Variants in FAP observed in about 807,000 individuals in gnomAD.
FAP encodes the protein fibroblast activation protein alpha, also known as prolyl endopeptidase FAP.
In FAP, 110 loss-of-function variants were observed where a neutral mutation model predicts 126.5. That is an observed-to-expected ratio of 0.87 (90% CI 0.74 to 1.02). The LOEUF (loss-of-function observed/expected upper bound fraction) is 1.02, where lower values mean the gene tolerates loss of function less well. FAP is among the 50% of genes least tolerant of loss of function. FAP has a pLI of 0.00. For missense variants in FAP, 919 were observed against 909.2 expected (o/e 1.01, Z -0.14); for synonymous variants, 334 against 297.3 (o/e 1.12, Z -1.27).
At chr2:162,232,696 G>C (rs1235955253) in intron 2 of FAP, among the ~76,000 whole-genome samples, 1 of 152,136 alleles carries the variant, frequency 6.6e-6, no homozygotes, top group Non-Finnish European at 1.5e-5. Flanking sequence ...GTTATTCAAA[G>C]GATTTGCCGG....
chr2:162,210,439 T>C (rs1437702593), intron 11 of FAP, among the ~76,000 whole-genome samples: 1 of 152,194 alleles, frequency 6.6e-6, no homozygotes, highest in Admixed American at 6.6e-5. Flanking sequence ...CATTTAGTAA[T>C]CCTAAAAGAA....
chr2:162,202,409 AG>A (rs1163819573), intron 14 of FAP, among the ~76,000 whole-genome samples: 1 of 152,364 alleles, frequency 6.6e-6, no homozygotes, highest in East Asian at 1.9e-4. Flanking sequence ...CTGCAAACTT[AG>A]GATAATCATT....
chr2:162,197,769 T>C, intron 16 of FAP: 1 of 386,004 alleles, frequency 2.6e-6, no homozygotes, highest in South Asian at 2.0e-5. Flanking sequence ...CAGTCAAAGA[T>C]TCCATTTGTT....
chr2:162,173,400 T>A (rs1274914784), intron 23 of FAP, among the ~76,000 whole-genome samples, 179 bp from the exon 24 acceptor site: 2 of 152,112 alleles, frequency 1.3e-5, no homozygotes, highest in East Asian at 1.9e-4. Flanking sequence ...CATCTGATTC[T>A]TAGTTTGAAA....
At chr2:162,194,097 G>A (rs1193871381) in intron 17 of FAP, 1 of 152,268 alleles carries the variant, frequency 6.6e-6, no homozygotes, top group Non-Finnish European at 1.5e-5. Context: ...ATACAGGATA[G>A]AGGAGGACTG....
At chr2:162,231,693 A>G (rs1309173528) in intron 2 of FAP, among the ~76,000 whole-genome samples, 4 of 152,222 alleles carry the variant, frequency 2.6e-5, no homozygotes, top group African/African-American at 7.2e-5. Flanking sequence ...GCAAGTAATG[A>G]TTTACTATTC....
chr2:162,203,818 T>C (rs1048840374), intron 12 of FAP, among the ~76,000 whole-genome samples: 6 of 152,182 alleles, frequency 3.9e-5, no homozygotes, highest in Admixed American at 1.3e-4. Flanking sequence ...CTAGGCTCTT[T>C]AGTGTGCCTT....
Position 162,172,883 on chromosome 2 carries a change from A to T in FAP, c.2109T>A (p.Asp703Glu), listed in dbSNP as rs1283665963. 6.2e-7 allele frequency: 1 copy of T among 1,610,604 alleles called. No individual in the cohort carries two copies. The highest frequency in any genetic ancestry group is 1.1e-5 in the South Asian group (1 of 91,004). ...GTGCTGAGTTTTGAAAGTGCACATT[A>T]TCTGCAACAAAGAGAGAGAGAGTTA... ...DYLLIHGTAD[D>E]NVHFQNSAQI... Residue 703 changes from aspartate (D) to glutamate (E), a missense_variant and splice_region_variant, in exon 25 of 26, where the codon GAT becomes GAA. Asp to Glu is a conservative substitution (Grantham distance 45). Coordinates refer to ENST00000188790, the MANE Select transcript of FAP (RefSeq NM_004460.5).
chr2:162,240,388 A>T (rs143624773), intron 2 of FAP, among the ~76,000 whole-genome samples: 213 of 152,248 alleles, frequency 1.4e-3, no homozygotes, highest in Middle Eastern at 3.4e-3. Flanking sequence ...TTCTCCTGGG[A>T]TGGAAGAGCC....
chr2:162,209,758 T>C lies in FAP; in HGVS notation c.1047+194A>G, dbSNP rs566215215. ...CATGAGGAGTATGAGTTATTTTCAA[T>C]AGAATTCTAAAAAGGACATTGAAAT... On this transcript the variant is annotated intron_variant, in intron 12 of 25. Transcript: ENST00000188790. The C allele has an allele frequency of 8.1e-5, 45 of 555,966 alleles. No homozygotes were observed. The South Asian group carries it at 9.1e-4, about 11-fold the overall frequency. The allele number at this position is 555,966 out of a possible 1,614,324, so 34.4% of individuals were successfully genotyped here.
intron 9 of FAP, 48 bp from the exon 10 acceptor site, chr2:162,216,049 C>A: frequency 7.3e-7 from 1 of 1,361,614 alleles, no homozygotes; most frequent in Non-Finnish European, 1.0e-6. Context: ...CCAATTATCA[C>A]CAACATTTTA....
chr2:162,208,063 T>G (rs1305617288), intron 12 of FAP, among the ~76,000 whole-genome samples: 1 of 151,464 alleles, frequency 6.6e-6, no homozygotes, highest in Non-Finnish European at 1.5e-5. Flanking sequence ...TGAGACCATC[T>G]TGGCTAACAC....
intron 17 of FAP, among the ~76,000 whole-genome samples, chr2:162,190,409 C>A (rs1051128214): frequency 1.1e-4 from 17 of 152,154 alleles, no homozygotes; most frequent in African/African-American, 4.1e-4. Flanking sequence ...CACACACACA[C>A]ACACAAACAC....
At chr2:162,200,498 G>A in intron 15 of FAP, 68 bp downstream of exon 15, 1 of 845,478 alleles carries the variant, frequency 1.2e-6, no homozygotes, top group South Asian at 1.5e-5. Context: ...TGCATCTCCT[G>A]GGGATGATGA....
intron 16 of FAP, chr2:162,197,746 T>C: frequency 2.4e-6 from 1 of 421,814 alleles, no homozygotes. Context: ...TGCAACTGAA[T>C]AGGGATATCA....
In FAP at chr2:162,194,720, A is replaced by T; in HGVS notation, c.1431T>A (p.His477Gln). The change falls in exon 17 of 26, where the codon CAT becomes CAA. Residue 477 changes from histidine to glutamine, a missense_variant. By Grantham distance (24) the His-to-Gln change is conservative. Transcript: ENST00000188790. ...YGPGIPISTL[H>Q]DGRTDQEIKI... is the part of the protein sequence containing the mutation. ...GAGTACCTTGATCAGTGCGTCCATC[A>T]TGAAGGGTGGAAATGGGGATGCCTG... 6.2e-7 allele frequency: 1 copy of T among 1,613,706 alleles called. No individual in the cohort carries two copies.
At position 162,200,687 on chromosome 2, in the gene FAP, C is replaced by T. The variant is rs926053396; in HGVS notation, c.1224-68G>A. On this transcript the variant is annotated intron_variant, in intron 14 of 25. Transcript: ENST00000188790. ...GATAATAGGATTGTTAGTATTAATA[C>T]TAATATAGTATCAATATAGGTAAGC... 4.2e-6 allele frequency: 3 copies of T among 706,546 alleles called. No homozygotes were observed. In the African/African-American group the frequency reaches 5.6e-5, roughly 13 times the overall value. 43.8% of individuals were successfully genotyped at this position (706,546 alleles called of 1,614,324 possible).
chr2:162,230,315 T>G (rs1011249075), intron 2 of FAP, among the ~76,000 whole-genome samples: 3 of 152,198 alleles, frequency 2.0e-5, no homozygotes, highest in Admixed American at 2.0e-4. Context: ...GCTTTGATTC[T>G]TTGTACATAT....
At position 162,174,978 on chromosome 2, in the gene FAP, T is replaced by C; in HGVS notation, c.1870-12A>G. Reference sequence around the variant, plus strand: ...TATCCTCCATAGGACTGTAGAGACATTGTTATGAGTCAGACTCAGATTTAC... The same window carrying C: ...TATCCTCCATAGGACTGTAGAGACACTGTTATGAGTCAGACTCAGATTTAC... On this transcript the variant is annotated splice_polypyrimidine_tract_variant and intron_variant, in intron 21 of 25. Coordinates refer to ENST00000188790, the MANE Select transcript of FAP (RefSeq NM_004460.5). The C allele has an allele frequency of 6.4e-7, 1 of 1,569,594 alleles. No homozygotes were observed. Among genetic ancestry groups the C allele is most frequent in the Non-Finnish European group, 8.8e-7 (1 of 1,140,752 alleles).
Sources: allele counts gnomAD v4.1 joint callset (sites outside exome capture counted in the v4.1 genomes callset), GRCh38; gene constraint gnomAD v4.1.1; transcripts MANE v1.5; gene names NCBI Gene and HGNC (gene_info 2026-07-23, HGNC 2026-07-21).